The following MERTK variants were observed in gnomAD, a reference collection of about 807,000 sequenced individuals.
MERTK encodes the protein tyrosine-protein kinase Mer.
Under a neutral mutation model 99.3 loss-of-function variants are expected in MERTK, and 69 were observed. That is an observed-to-expected ratio of 0.70 (90% CI 0.57 to 0.85). MERTK has a LOEUF of 0.85. Ranked by LOEUF, MERTK falls within the 40% of genes least tolerant of loss-of-function variation. MERTK has a pLI of 0.00. For missense variants in MERTK, 1,125 were observed against 1,249.4 expected (o/e 0.90, Z 1.50); for synonymous variants, 426 against 467.6 (o/e 0.91, Z 1.15).
At chr2:111,951,599 C>T (rs564913667) in intron 4 of MERTK, among the ~76,000 whole-genome samples, 8 of 133,160 alleles carry the variant, frequency 6.0e-5, no homozygotes, top group African/African-American at 1.9e-4. Context: ...ACATTGTTTC[C>T]GTGTCTAAGC....
Position 112,010,064 on chromosome 2 carries a change from A to C in MERTK, c.2077A>C (p.Lys693Gln), listed in dbSNP as rs1356850807. 6.3e-7 allele frequency: 1 copy of C among 1,596,086 alleles called. No homozygotes were observed. The highest frequency in any genetic ancestry group is 8.6e-7 in the Non-Finnish European group (1 of 1,163,780). ...LLYSRLETGP[K>Q]HIPLQTLLKF... ...TTATTCCCGATTGGAGACAGGACCAAAGGTAATGATCTCCTTGTGTTACCC... is the reference window on the plus strand; with the variant it reads ...TTATTCCCGATTGGAGACAGGACCACAGGTAATGATCTCCTTGTGTTACCC... Residue 693 changes from lysine (K) to glutamine (Q), a missense_variant and splice_region_variant, in exon 15 of 19, where the codon AAG becomes CAG. By Grantham distance (53) the Lys-to-Gln change is moderately conservative. Transcript: ENST00000295408.
rs77342519 is a variant in MERTK, at chr2:111,962,553, C to A, written c.758-2638C>A. On this transcript the variant is annotated intron_variant, in intron 4 of 18. Coordinates refer to ENST00000295408, the MANE Select transcript of MERTK (RefSeq NM_006343.3). ...ATTGTTTTAGACTTATAGAAAAACA[C>A]TGGGGATAATACAGTGATTTCCCAT... Among the ~76,000 whole-genome samples the A allele has an allele frequency of 6.4e-3, 980 of 152,266 alleles. 12 individuals are homozygous for A. The highest frequency in any genetic ancestry group is 0.023 in the African/African-American group (944 of 41,556).
intron 1 of MERTK, among the ~76,000 whole-genome samples, chr2:111,912,748 T>C (rs999518411): frequency 2.0e-5 from 3 of 152,086 alleles, no homozygotes; most frequent in Admixed American, 6.6e-5. Context: ...TCGCCACTCA[T>C]GCTTATCATT....
rs1297079705 is a variant in MERTK at position 111,898,746 on chromosome 2, C to T, written c.11C>T (p.Ala4Val). Residue 4 changes from alanine (A) to valine (V), a missense_variant, in exon 1 of 19, where the codon GCC (alanine) becomes GTC (valine). By Grantham distance (64) the Ala-to-Val change is moderately conservative. Transcript: ENST00000295408. The stretch of plus-strand genomic sequence containing the variant: ...ATCCGCAGCCCCGGGATGGGGCCGG[C>T]CCCGCTGCCGCTGCTGCTGGGCCTC... MGP[A>V]PLPLLLGLFL... The T allele has an allele frequency of 1.2e-6, 2 of 1,606,336 alleles. No individual in the cohort carries two copies. Among genetic ancestry groups the T allele is most frequent in the Middle Eastern group, 1.7e-4 (1 of 6,046 alleles).
At chr2:111,929,674 C>T (rs1573578405) in intron 2 of MERTK, 134 bp downstream of exon 2, 1 of 638,288 alleles carries the variant, frequency 1.6e-6, no homozygotes, top group East Asian at 3.4e-5. Context: ...GCAACCTCCA[C>T]CTCCTGAGTT....
At position 112,019,402 on chromosome 2, in the gene MERTK, C is replaced by T. The variant is rs3811640; in HGVS notation, c.2080-11C>T. The T allele has an allele frequency of 6.3e-7, 1 of 1,591,304 alleles. No individual in the cohort carries two copies. Among genetic ancestry groups the T allele is most frequent in the African/African-American group, 1.3e-5 (1 of 74,386 alleles). ...AAGATAGTCTTTCTTCTTGTTTCCT[C>T]TATCATCTAGCATATTCCTCTGCAG... is the stretch of plus-strand genomic sequence containing the variant. On this transcript the variant is annotated splice_polypyrimidine_tract_variant and intron_variant, in intron 15 of 18. Transcript: ENST00000295408.
intron 7 of MERTK, among the ~76,000 whole-genome samples, chr2:111,978,703 C>T (rs145366801): frequency 2.6e-5 from 4 of 152,056 alleles, no homozygotes; most frequent in African/African-American, 9.7e-5. Context: ...TTTATGTTTC[C>T]ACTCTAGGTA....
chr2:112,004,384 G>A (rs886215795), intron 13 of MERTK, among the ~76,000 whole-genome samples: 1 of 152,114 alleles, frequency 6.6e-6, no homozygotes, highest in African/African-American at 2.4e-5. Flanking sequence ...GTCTAGTGTG[G>A]TGGGGCCACT....
rs868686893 is a variant in MERTK, at chr2:111,929,224, G to A, written c.166G>A (p.Ala56Thr). 3.7e-6 allele frequency: 6 copies of A among 1,613,988 alleles called. No individual in the cohort carries two copies. Among genetic ancestry groups the A allele is most frequent in the Admixed American group, 1.7e-5 (1 of 59,992 alleles). Residue 56 changes from alanine to threonine, a missense_variant, in exon 2 of 19, where the codon GCC (alanine) becomes ACC (threonine). Coordinates refer to ENST00000295408, the MANE Select transcript of MERTK (RefSeq NM_006343.3). ...CACACCGCTGTTATCCCTTCCTCAC[G>A]CCAGTGGGTACCAGCCTGCCTTGAT... Reference protein sequence around the residue: ...DHTPLLSLPHASGYQPALMFS... With the variant: ...DHTPLLSLPHTSGYQPALMFS...
In MERTK at chr2:111,982,706, A is replaced by T. The variant is rs1676397026; in HGVS notation, c.1145-136A>T. The T allele has an allele frequency of 3.2e-6, 3 of 929,402 alleles. No individual in the cohort carries two copies. The South Asian group carries it at 4.1e-5, about 13-fold the overall frequency. The allele number at this position is 929,402 out of a possible 1,614,324, so 57.6% of individuals were successfully genotyped here. ...TGAAAATCTTAGTTGAAAAGGTGAA[A>T]ATGTGCTATAAGTCTTGGTCTCATT... On this transcript the variant is annotated intron_variant, in intron 7 of 18. Coordinates refer to ENST00000295408, the MANE Select transcript of MERTK (RefSeq NM_006343.3).
Position 112,015,410 on chromosome 2 carries a change from T to C in MERTK, c.2080-4003T>C, listed in dbSNP as rs1247821960. 2.0e-5 allele frequency among the ~76,000 whole-genome samples: 3 copies of C among 152,214 alleles called. No individual in the cohort carries two copies. The East Asian group carries it at 5.8e-4, about 29-fold the overall frequency. On this transcript the variant is annotated intron_variant, in intron 15 of 18. Transcript: ENST00000295408. ...AGTGATATCTCATCATGGTTTTTAT[T>C]TGCATTTCCCGAATGACTAATGATG...
chr2:111,977,861 C>T (rs984202325), intron 7 of MERTK, among the ~76,000 whole-genome samples: 1 of 152,116 alleles, frequency 6.6e-6, no homozygotes, highest in Non-Finnish European at 1.5e-5. Flanking sequence ...TATATTTCAT[C>T]TCATACACCG....
chr2:111,902,043 G>A (rs1366585137), intron 1 of MERTK, among the ~76,000 whole-genome samples: 4 of 151,964 alleles, frequency 2.6e-5, no homozygotes, highest in African/African-American at 9.7e-5. Flanking sequence ...GCACCACCAC[G>A]CCTGGCTAAT....
chr2:112,027,607 C>T (rs1677493967), intron 18 of MERTK, among the ~76,000 whole-genome samples: 1 of 152,052 alleles, frequency 6.6e-6, no homozygotes, highest in Admixed American at 6.6e-5. Flanking sequence ...CACTTGGACG[C>T]AGGAGTTGTC....
At chr2:111,910,610 G>GTGTGTGTGTGTGTGTGTA (rs370882764) in intron 1 of MERTK, among the ~76,000 whole-genome samples, 2 of 143,584 alleles carry the variant, frequency 1.4e-5, no homozygotes, top group African/African-American at 2.6e-5. Flanking sequence ...GTGTGTGTGT[G>GTGTGTGTGTGTGTGTGTA]TATATATATA....
intron 17 of MERTK, 48 bp from the exon 18 acceptor site, chr2:112,022,210 G>A: frequency 6.2e-7 from 1 of 1,613,830 alleles, no homozygotes. Context: ...GTCCATTCAG[G>A]CTTTGTGGAA....
intron 5 of MERTK, among the ~76,000 whole-genome samples, chr2:111,966,557 T>C (rs1243928046): frequency 6.6e-6 from 1 of 152,222 alleles, no homozygotes; most frequent in Non-Finnish European, 1.5e-5. Context: ...TGAAAAGCAC[T>C]TCTCCAATTT....
intron 15 of MERTK, chr2:112,013,497 T>C (rs945565864): frequency 1.3e-5 from 2 of 154,400 alleles, no homozygotes; most frequent in African/African-American, 4.8e-5. Context: ...CATACACACT[T>C]GCCCCTGGGA....
At chr2:111,905,191 G>C (rs528759403) in intron 1 of MERTK, among the ~76,000 whole-genome samples, 1 of 152,154 alleles carries the variant, frequency 6.6e-6, no homozygotes, top group African/African-American at 2.4e-5. Flanking sequence ...GCCACAGGAA[G>C]GGAGGGCCTA....
Sources: gnomAD v4.1 joint callset for allele counts (sites outside exome capture counted in the v4.1 genomes callset) on GRCh38, gnomAD v4.1.1 for gene constraint, MANE v1.5 for transcripts, NCBI Gene and HGNC (gene_info 2026-07-23, HGNC 2026-07-21) for gene names.